The following PCDH15 variants were observed in gnomAD, a reference collection of about 807,000 sequenced individuals.
PCDH15 encodes the protein protocadherin-15.
A neutral mutation model predicts 178.5 loss-of-function variants in PCDH15; 129 were observed. The ratio of observed to expected loss-of-function variants is 0.72; its 90% confidence interval spans 0.63 to 0.84. The LOEUF (loss-of-function observed/expected upper bound fraction) is 0.84. Ranked by LOEUF, PCDH15 falls within the 40% of genes least tolerant of loss-of-function variation. The pLI is 0.00. For missense variants in PCDH15, 2,230 were observed against 2,099.9 expected (o/e 1.06, Z -1.21); for synonymous variants, 800 against 732.0 (o/e 1.09, Z -1.50).
At chr10:54,324,859 C>A (rs886214398) in intron 7 of PCDH15, among the ~76,000 whole-genome samples, 1 of 151,934 alleles carries the variant, frequency 6.6e-6, no homozygotes, top group African/African-American at 2.4e-5. Context: ...TTATATATTT[C>A]ACTCAGGATA....
intron 2 of PCDH15, among the ~76,000 whole-genome samples, chr10:55,103,815 C>T (rs941117328): frequency 6.6e-6 from 1 of 152,008 alleles, no homozygotes; most frequent in Admixed American, 6.6e-5. Context: ...GGTTTTAACT[C>T]ATGGGGTTCT....
intron 1 of PCDH15, among the ~76,000 whole-genome samples, chr10:55,192,721 ATCTC>A (rs142101115): frequency 3.0e-4 from 44 of 146,140 alleles, no homozygotes; most frequent in East Asian, 3.9e-4. Context: ...AGATGAAAGA[ATCTC>A]TCTCTCTCTC....
chr10:54,304,041 G>A (rs990740297), intron 8 of PCDH15, among the ~76,000 whole-genome samples: 8 of 152,002 alleles, frequency 5.3e-5, no homozygotes, highest in African/African-American at 7.2e-5. Flanking sequence ...GAATTTAGAG[G>A]TTTTTGGATG....
chr10:55,423,349 A>G (rs1838671508), intron 2 of PCDH15, among the ~76,000 whole-genome samples: 1 of 152,030 alleles, frequency 6.6e-6, no homozygotes, highest in African/African-American at 2.4e-5. Context: ...TTGTATGCAT[A>G]CAGAGAGAAC....
chr10:54,320,026 TA>T (rs1317751728), intron 7 of PCDH15, among the ~76,000 whole-genome samples: 6 of 152,028 alleles, frequency 3.9e-5, no homozygotes, highest in Admixed American at 1.3e-4. Context: ...AATTATAGCT[TA>T]AAAAAACACA....
rs529765914 is a variant in PCDH15 at position 54,052,096 on chromosome 10, T to C, written c.2220+14661A>G. On this transcript the variant is annotated intron_variant, in intron 18 of 37. Coordinates refer to ENST00000644397, the MANE Select transcript of PCDH15 (RefSeq NM_001384140.1). Reference sequence around the variant, plus strand: ...TGGATGTCCAGGCAGGAGTTTGCTATAGAAGTGGTGCCCTCATGGAGAACC... The same window carrying C: ...TGGATGTCCAGGCAGGAGTTTGCTACAGAAGTGGTGCCCTCATGGAGAACC... 1.4e-3 allele frequency among the ~76,000 whole-genome samples: 220 copies of C among 152,304 alleles called. 1 individual carries two copies. Among genetic ancestry groups the C allele is most frequent in the Non-Finnish European group, 2.2e-3 (151 of 68,028 alleles).
intron 8 of PCDH15, among the ~76,000 whole-genome samples, chr10:54,293,324 G>T (rs917270038): frequency 2.6e-5 from 4 of 152,104 alleles, no homozygotes; most frequent in African/African-American, 9.7e-5. Context: ...ATTCAAGATG[G>T]ATTAAAGACT....
chr10:54,859,343 A>G (rs1191598424), intron 3 of PCDH15, among the ~76,000 whole-genome samples: 1 of 152,022 alleles, frequency 6.6e-6, no homozygotes, highest in Non-Finnish European at 1.5e-5. Flanking sequence ...CACAATTTTT[A>G]TATCTTCTTT....
intron 1 of PCDH15, among the ~76,000 whole-genome samples, chr10:55,210,610 T>A (rs1840536899): frequency 7.1e-6 from 1 of 140,864 alleles, no homozygotes; most frequent in Non-Finnish European, 1.5e-5. Flanking sequence ...TTTTTTCTTT[T>A]TTCTTTTCTT....
intron 3 of PCDH15, among the ~76,000 whole-genome samples, chr10:54,394,537 A>G (rs1950960956): frequency 6.6e-6 from 1 of 152,308 alleles, no homozygotes; most frequent in South Asian, 2.1e-4. Flanking sequence ...GTACTTTACA[A>G]GGTAATAGAA....
At chr10:55,297,874 C>A (rs904080260) in intron 1 of PCDH15, among the ~76,000 whole-genome samples, 1 of 152,070 alleles carries the variant, frequency 6.6e-6, no homozygotes, top group African/African-American at 2.4e-5. Flanking sequence ...TCCCCACCCA[C>A]TAGCAATCAT....
intron 1 of PCDH15, among the ~76,000 whole-genome samples, chr10:54,677,271 T>C (rs2094806791): frequency 6.6e-6 from 1 of 152,216 alleles, no homozygotes; most frequent in African/African-American, 2.4e-5. Context: ...CCTACCACTC[T>C]CCAGAGGCTG....
chr10:54,497,998 T>C (rs960908109), intron 3 of PCDH15, among the ~76,000 whole-genome samples: 3 of 151,930 alleles, frequency 2.0e-5, no homozygotes, highest in African/African-American at 7.2e-5. Flanking sequence ...CCAAGATATA[T>C]AGTCATCAGA....
chr10:55,320,416 T>C (rs1390965690), upstream of PCDH15, among the ~76,000 whole-genome samples: 1 of 150,178 alleles, frequency 6.7e-6, no homozygotes, highest in African/African-American at 2.5e-5. Context: ...CCAGTACTGC[T>C]ATGCCTGCCA....
intron 23 of PCDH15, among the ~76,000 whole-genome samples, chr10:53,957,772 A>T (rs563915601): frequency 3.3e-5 from 5 of 152,248 alleles, no homozygotes; most frequent in Admixed American, 3.3e-4. Flanking sequence ...ACTGTATTCC[A>T]TAGCAAAGAA....
In PCDH15 at chr10:53,898,935, G is replaced by A. The variant is rs143284759; in HGVS notation, c.3501+4308C>T. ...CAACTAATGGTGTCTACTATACTCA[G>A]ACAATGTGAGTATATTAAAACCAGA... On this transcript the variant is annotated intron_variant, in intron 26 of 37. Transcript: ENST00000644397. 5.6e-4 allele frequency among the ~76,000 whole-genome samples: 85 copies of A among 152,216 alleles called. 1 individual carries two copies. In the East Asian group the frequency reaches 0.015, roughly 27 times the overall value.
At chr10:54,748,929 ACT>A (rs748716305) in intron 1 of PCDH15, among the ~76,000 whole-genome samples, 56 of 152,066 alleles carry the variant, frequency 3.7e-4, no homozygotes, top group Non-Finnish European at 5.7e-4. Context: ...ATGCTTTCTA[ACT>A]CTCTTTCTTT....
chr10:54,421,099 T>C (rs6481097), intron 3 of PCDH15, among the ~76,000 whole-genome samples: 67,903 of 152,010 alleles, frequency 0.45, 15,983 homozygotes, highest in Non-Finnish European at 0.52. Flanking sequence ...CAATAAATAA[T>C]AGTACTTTCT....
At chr10:54,738,818 A>G (rs2132765647) in intron 1 of PCDH15, among the ~76,000 whole-genome samples, 1 of 152,224 alleles carries the variant, frequency 6.6e-6, no homozygotes, top group South Asian at 2.1e-4. Context: ...AAGGCATTCC[A>G]TAAAATCCAA....
Sources: allele counts gnomAD v4.1 joint callset (sites outside exome capture counted in the v4.1 genomes callset), GRCh38; gene constraint gnomAD v4.1.1; transcripts MANE v1.5; gene names NCBI Gene and HGNC (gene_info 2026-07-23, HGNC 2026-07-21).